The following BIRC6 variants were observed in gnomAD, a reference collection of about 807,000 sequenced individuals.
BIRC6 encodes dual E2 ubiquitin-conjugating enzyme/E3 ubiquitin-protein ligase BIRC6.
In BIRC6, 98 loss-of-function variants were observed where a neutral mutation model predicts 503.3. The ratio of observed to expected loss-of-function variants is 0.19; its 90% confidence interval spans 0.17 to 0.23. BIRC6 has a LOEUF of 0.23. BIRC6 is among the 10% of genes least tolerant of loss of function. The pLI, the probability that BIRC6 is intolerant of heterozygous loss-of-function variation, is 1.00. For synonymous variants in BIRC6, 2,240 were observed against 2,078.7 expected (o/e 1.08, Z -2.11); for missense variants, 5,360 against 5,806.0 (o/e 0.92, Z 2.50).
rs10528992 is a variant in BIRC6, at chr2:32,508,276, C to CTTTTTTTTTTTTTTTTTTTTT, written c.9980+24_9980+44dup. The CTTTTTTTTTTTTTTTTTTTTT allele has an allele frequency of 2.2e-5, 19 of 864,884 alleles. No homozygotes were observed. In the African/African-American group the frequency reaches 4.2e-4, roughly 19 times the overall value. The allele number at this position is 864,884 out of a possible 1,614,324, so 53.6% of individuals were successfully genotyped here. ...CAAAACAAGGTATGTTTTGTTTGTC[C>CTTTTTTTTTTTTTTTTTTTTT]TTTTTTTTTTTTTTTTTTTTTTTTT... On this transcript the variant is annotated intron_variant, in intron 51 of 73. Coordinates refer to ENST00000421745, the MANE Select transcript of BIRC6 (RefSeq NM_016252.4).
chr2:32,439,138 G>A (rs190844676), intron 15 of BIRC6, among the ~76,000 whole-genome samples: 57 of 152,052 alleles, frequency 3.7e-4, no homozygotes, highest in Admixed American at 9.8e-4. Flanking sequence ...ATGGATATAC[G>A]TTCTGTTATT....
chr2:32,392,219 T>A (rs1366493532), intron 5 of BIRC6, 69 bp downstream of exon 5: 7 of 1,106,570 alleles, frequency 6.3e-6, no homozygotes, highest in Non-Finnish European at 9.1e-6. Context: ...ATTATCACAT[T>A]TTTTTAACTT....
intron 65 of BIRC6, among the ~76,000 whole-genome samples, chr2:32,570,065 A>G (rs977655543): frequency 6.6e-6 from 1 of 152,080 alleles, no homozygotes; most frequent in Non-Finnish European, 1.5e-5. Flanking sequence ...TGGGTTTTTC[A>G]TATATGGCCT....
chr2:32,537,595 G>C (rs2057336196), intron 61 of BIRC6, among the ~76,000 whole-genome samples: 1 of 152,146 alleles, frequency 6.6e-6, no homozygotes, highest in African/African-American at 2.4e-5. Flanking sequence ...TCAAAAATCA[G>C]TGATGGCAGA....
At chr2:32,397,501 A>G (rs1314536059) in intron 6 of BIRC6, among the ~76,000 whole-genome samples, 6 of 151,384 alleles carry the variant, frequency 4.0e-5, no homozygotes, top group Non-Finnish European at 8.8e-5. Context: ...TGTGGATAAG[A>G]GGGGGACCTG....
At chr2:32,545,190 T>A (rs1276599919) in intron 62 of BIRC6, among the ~76,000 whole-genome samples, 1 of 152,180 alleles carries the variant, frequency 6.6e-6, no homozygotes, top group Non-Finnish European at 1.5e-5. Context: ...TTTCTTTGCA[T>A]TTAATACCCC....
chr2:32,594,729 T>TGGATGGAC (rs1481795187), intron 67 of BIRC6, among the ~76,000 whole-genome samples: 1 of 152,030 alleles, frequency 6.6e-6, no homozygotes, highest in Non-Finnish European at 1.5e-5. Flanking sequence ...GATGGATGGA[T>TGGATGGAC]GGACGGATGG....
chr2:32,428,357 A>G (rs1374566173), intron 10 of BIRC6, among the ~76,000 whole-genome samples: 1 of 152,208 alleles, frequency 6.6e-6, no homozygotes, highest in Admixed American at 6.5e-5. Context: ...TGCCCCACAC[A>G]GAATTGTGAC....
chr2:32,361,245 C>T lies in BIRC6; in HGVS notation c.325+3759C>T, dbSNP rs1454954919. Among the ~76,000 whole-genome samples, 4 of 151,972 alleles carry T rather than the reference C, an allele frequency of 2.6e-5. No homozygotes were observed. In the East Asian group the frequency reaches 7.7e-4, roughly 29 times the overall value. On this transcript the variant is annotated intron_variant, in intron 1 of 73. Coordinates refer to ENST00000421745, the MANE Select transcript of BIRC6 (RefSeq NM_016252.4). ...CCACCGCGCCCAGCCCTAATATATA[C>T]AGTATAAACTCGAGTATTTTTGATT...
At position 32,397,612 on chromosome 2, in the gene BIRC6, G is replaced by A. The variant is rs1051203921; in HGVS notation, c.1034+2019G>A. On this transcript the variant is annotated intron_variant, in intron 6 of 73. Transcript: ENST00000421745. ...TGTGTGTGTGTGTGTGTGTATATAT[G>A]TGTGTATATATATATATGTATATAT... is the stretch of plus-strand genomic sequence containing the variant. 1.9e-3 allele frequency among the ~76,000 whole-genome samples: 253 copies of A among 130,838 alleles called. 2 individuals carry two copies. The South Asian group carries it at 0.02, about 10-fold the overall frequency. The allele number at this position is 130,838 out of a possible 152,430, so 85.8% of individuals were successfully genotyped here.
chr2:32,430,272 T>C (rs1385637329), intron 11 of BIRC6, among the ~76,000 whole-genome samples: 1 of 152,224 alleles, frequency 6.6e-6, no homozygotes, highest in African/African-American at 2.4e-5. Context: ...AATACATGTA[T>C]AGCATTTGTA....
intron 66 of BIRC6, chr2:32,591,071 C>T (rs1036505900): frequency 2.0e-5 from 14 of 714,882 alleles, no homozygotes; most frequent in African/African-American, 5.8e-5. Flanking sequence ...AGTTTAATGT[C>T]AGACAATGAC....
rs561404377 is a variant in BIRC6, at chr2:32,514,125, A to G, written c.10569-865A>G. Among the ~76,000 whole-genome samples the G allele has an allele frequency of 4.6e-5, 7 of 152,322 alleles. No homozygotes were observed. The South Asian group carries it at 6.2e-4, about 14-fold the overall frequency. The stretch of plus-strand genomic sequence containing the variant: ...CACTTGAAACGAGGCGTTTAATGCC[A>G]GACTGGCTAAAATAGAGAGACCAAA... On this transcript the variant is annotated intron_variant, in intron 54 of 73. Coordinates refer to ENST00000421745, the MANE Select transcript of BIRC6 (RefSeq NM_016252.4).
chr2:32,538,416 A>G (rs1206624373), intron 61 of BIRC6, among the ~76,000 whole-genome samples: 2 of 152,204 alleles, frequency 1.3e-5, no homozygotes, highest in Non-Finnish European at 2.9e-5. Flanking sequence ...TGGCTTTTCC[A>G]TTGGAATTCC....
chr2:32,561,990 C>T (rs559683088), intron 65 of BIRC6, among the ~76,000 whole-genome samples: 265 of 151,722 alleles, frequency 1.7e-3, no homozygotes, highest in Non-Finnish European at 2.7e-3. Flanking sequence ...TGCAGTGAGC[C>T]GAGATCATGC....
intron 23 of BIRC6, among the ~76,000 whole-genome samples, chr2:32,455,455 T>C (rs1019979156): frequency 2.6e-5 from 4 of 151,382 alleles, no homozygotes; most frequent in Non-Finnish European, 5.9e-5. Context: ...ACCTCGTCTC[T>C]ACTAAAAATA....
At chr2:32,498,358 C>T (rs1309348155) in intron 45 of BIRC6, among the ~76,000 whole-genome samples, 1 of 151,956 alleles carries the variant, frequency 6.6e-6, no homozygotes, top group Non-Finnish European at 1.5e-5. Context: ...GGCCTATAAC[C>T]GAAAATTTTT....
chr2:32,403,142 A>G (rs1274790308), intron 8 of BIRC6, among the ~76,000 whole-genome samples: 1 of 152,164 alleles, frequency 6.6e-6, no homozygotes, highest in Non-Finnish European at 1.5e-5. Flanking sequence ...AAGAGGTGAA[A>G]CTTCATCCCT....
At chr2:32,597,350 A>G (rs2061738016) in intron 68 of BIRC6, among the ~76,000 whole-genome samples, 1 of 152,204 alleles carries the variant, frequency 6.6e-6, no homozygotes, top group Non-Finnish European at 1.5e-5. Flanking sequence ...ATTGATTAAA[A>G]CAGGCTGTGC....
Sources: allele counts gnomAD v4.1 joint callset (sites outside exome capture counted in the v4.1 genomes callset), GRCh38; gene constraint gnomAD v4.1.1; transcripts MANE v1.5; gene names NCBI Gene and HGNC (gene_info 2026-07-23, HGNC 2026-07-21).